Variants in PPP1R9A observed in about 807,000 individuals in gnomAD.
The protein encoded by PPP1R9A is protein phosphatase 1 regulatory subunit 9A.
PPP1R9A carries 59 observed loss-of-function variants against 141.9 expected under a neutral mutation model. The observed-to-expected ratio is 0.42, with a 90% CI of 0.34 to 0.52. The LOEUF (loss-of-function observed/expected upper bound fraction) is 0.52, where lower values mean the gene tolerates loss of function less well. Ranked by LOEUF, PPP1R9A falls within the 20% of genes least tolerant of loss-of-function variation. The pLI is 0.10. For missense variants in PPP1R9A, 1,444 were observed against 1,611.9 expected (o/e 0.90, Z 1.78); for synonymous variants, 500 against 569.7 (o/e 0.88, Z 1.74).
intron 8 of PPP1R9A, among the ~76,000 whole-genome samples, chr7:95,238,856 T>C (rs1015225989): frequency 2.0e-5 from 3 of 152,194 alleles, no homozygotes; most frequent in Non-Finnish European, 4.4e-5. Flanking sequence ...CTGTCTCTTA[T>C]TATGCCTTTG....
chr7:95,262,621 T>C (rs1374253521), intron 12 of PPP1R9A, among the ~76,000 whole-genome samples: 1 of 152,154 alleles, frequency 6.6e-6, no homozygotes, highest in Non-Finnish European at 1.5e-5. Context: ...CTCTGTCCAC[T>C]GAGAACAGGA....
intron 7 of PPP1R9A, among the ~76,000 whole-genome samples, chr7:95,224,876 C>G (rs1214137802): frequency 2.6e-5 from 4 of 152,076 alleles, no homozygotes; most frequent in Admixed American, 2.6e-4. Context: ...ATTCCTGTCT[C>G]TGTTTTATGT....
rs141559153 is a variant in PPP1R9A at position 94,914,302 on chromosome 7, G to C, written c.1395+2794G>C. Among the ~76,000 whole-genome samples, 256 of 152,166 alleles carry C rather than the reference G, an allele frequency of 1.7e-3. 1 individual carries two copies. Among genetic ancestry groups the C allele is most frequent in the Non-Finnish European group, 3.1e-3 (210 of 67,996 alleles). ...CTTTGTATGTGTAATATTGTCCTCA[G>C]TGACTACTTCAGTTCTTTTTATAGA... On this transcript the variant is annotated intron_variant, in intron 2 of 19. Coordinates refer to ENST00000433360, the MANE Select transcript of PPP1R9A (RefSeq NM_001166160.2).
intron 6 of PPP1R9A, among the ~76,000 whole-genome samples, chr7:95,202,787 T>C (rs1789865048): frequency 1.3e-5 from 2 of 152,220 alleles, no homozygotes; most frequent in East Asian, 3.9e-4. Flanking sequence ...GTATTTTTTA[T>C]TTAAGAGCAT....
chr7:95,238,038 GTTA>G (rs1034202992), intron 8 of PPP1R9A, among the ~76,000 whole-genome samples: 1 of 151,814 alleles, frequency 6.6e-6, no homozygotes, highest in African/African-American at 2.4e-5. Context: ...TTAGTCTTAG[GTTA>G]TTTTTTCCTG....
At chr7:95,285,480 CATT>C (rs1805118228) in intron 17 of PPP1R9A, among the ~76,000 whole-genome samples, 1 of 152,198 alleles carries the variant, frequency 6.6e-6, no homozygotes, top group South Asian at 2.1e-4. Flanking sequence ...GCTACGTAGT[CATT>C]GTTGTTTGAT....
chr7:95,125,029 A>T lies in PPP1R9A; in HGVS notation c.1649+4197A>T, dbSNP rs566234500. ...CTTATTCTTTGATATTATCTCTTAC[A>T]TTCAAAATTTTCTTTTGTCAAGCTT... On this transcript the variant is annotated intron_variant, in intron 4 of 19. Transcript: ENST00000433360. Among the ~76,000 whole-genome samples, 4 of 152,310 alleles carry T rather than the reference A, an allele frequency of 2.6e-5. No homozygotes were observed. In the South Asian group the frequency reaches 6.2e-4, roughly 24 times the overall value.
chr7:95,160,410 T>C (rs1054742409), intron 4 of PPP1R9A, among the ~76,000 whole-genome samples: 6 of 152,204 alleles, frequency 3.9e-5, no homozygotes, highest in Non-Finnish European at 8.8e-5. Context: ...TGTAAATATA[T>C]CATTTGCAGT....
chr7:95,273,028 G>A (rs1010385357), intron 14 of PPP1R9A, among the ~76,000 whole-genome samples: 1 of 152,160 alleles, frequency 6.6e-6, no homozygotes, highest in Non-Finnish European at 1.5e-5. Context: ...TTTGGGTAGA[G>A]CCTGTCCGAG....
intron 2 of PPP1R9A, among the ~76,000 whole-genome samples, chr7:94,955,145 C>A: frequency 6.6e-6 from 1 of 151,618 alleles, no homozygotes; most frequent in East Asian, 1.9e-4. Flanking sequence ...TATTAGTTTC[C>A]TTTTTCCTGA....
At chr7:95,011,716 C>T (rs1257960671) in intron 2 of PPP1R9A, among the ~76,000 whole-genome samples, 1 of 152,104 alleles carries the variant, frequency 6.6e-6, no homozygotes, top group African/African-American at 2.4e-5. Flanking sequence ...TGAATCAGCA[C>T]TGGCTTGGAA....
chr7:95,162,236 T>C (rs999803752), intron 5 of PPP1R9A, among the ~76,000 whole-genome samples: 1 of 152,176 alleles, frequency 6.6e-6, no homozygotes, highest in Non-Finnish European at 1.5e-5. Flanking sequence ...TCCAGGAAGA[T>C]ATAATTTCTA....
At chr7:95,121,057 T>C (rs1342543023) in intron 4 of PPP1R9A, among the ~76,000 whole-genome samples, 2 of 152,224 alleles carry the variant, frequency 1.3e-5, no homozygotes, top group Non-Finnish European at 2.9e-5. Flanking sequence ...TCTATCAGTC[T>C]ATACCTGTCT....
At chr7:95,023,531 T>C (rs991595613) in intron 2 of PPP1R9A, among the ~76,000 whole-genome samples, 47 of 152,134 alleles carry the variant, frequency 3.1e-4, no homozygotes, top group African/African-American at 8.4e-4. Context: ...TTGAATTATT[T>C]ATTTGCCCGT....
intron 2 of PPP1R9A, among the ~76,000 whole-genome samples, chr7:95,030,956 A>T (rs1989822): frequency 0.61 from 92,207 of 151,950 alleles, 28,927 homozygotes; most frequent in African/African-American, 0.75. Flanking sequence ...TGTGGGGAAT[A>T]TAGGGCAGGT....
At chr7:95,073,632 T>G (rs1443617855) in intron 2 of PPP1R9A, among the ~76,000 whole-genome samples, 5 of 145,988 alleles carry the variant, frequency 3.4e-5, no homozygotes, top group East Asian at 3.9e-4. Context: ...AAGTTTTTTT[T>G]TTTTTTTTTT....
intron 4 of PPP1R9A, among the ~76,000 whole-genome samples, chr7:95,127,084 AAAAGCCCGTTATATAGC>A (rs1234481555): frequency 6.6e-6 from 1 of 152,154 alleles, no homozygotes; most frequent in African/African-American, 2.4e-5. Context: ...AGGTAAATTG[AAAAGCCCGTTATATAGC>A]AAACTCCATA....
chr7:94,924,374 A>G (rs1180753036), intron 2 of PPP1R9A, among the ~76,000 whole-genome samples: 2 of 152,188 alleles, frequency 1.3e-5, no homozygotes, highest in African/African-American at 4.8e-5. Context: ...TTCTGTGAGT[A>G]GTAGCATTAG....
chr7:95,240,117 T>G (rs1471944983), intron 8 of PPP1R9A, among the ~76,000 whole-genome samples: 1 of 152,024 alleles, frequency 6.6e-6, no homozygotes, highest in African/African-American at 2.4e-5. Flanking sequence ...AGGATATAGT[T>G]TCCATGAGCT....
Sources: allele counts gnomAD v4.1 joint callset (sites outside exome capture counted in the v4.1 genomes callset), GRCh38; gene constraint gnomAD v4.1.1; transcripts MANE v1.5; gene names NCBI Gene and HGNC (gene_info 2026-07-23, HGNC 2026-07-21).